EPHA6: variants seen among roughly 807,000 people sequenced by gnomAD.
The protein encoded by EPHA6 is EPH receptor A6, also known as ephrin type-A receptor 6.
A neutral mutation model predicts 112.0 loss-of-function variants in EPHA6; 50 were observed. That is an observed-to-expected ratio of 0.45 (90% CI 0.36 to 0.56). The LOEUF is 0.56. Among genes scored for constraint, EPHA6 ranks in the 20% least tolerant of loss-of-function variants. EPHA6 has a pLI of 0.00. For missense variants in EPHA6, 1,280 were observed against 1,417.4 expected (o/e 0.90, Z 1.56); for synonymous variants, 529 against 490.7 (o/e 1.08, Z -1.03).
At chr3:96,884,689 C>A (rs1469453099) in intron 2 of EPHA6, among the ~76,000 whole-genome samples, 3 of 152,104 alleles carry the variant, frequency 2.0e-5, no homozygotes, top group African/African-American at 7.2e-5. Flanking sequence ...TTCACTTCTT[C>A]TTTACCGATT....
At chr3:97,544,699 C>T (rs947978020) in intron 11 of EPHA6, among the ~76,000 whole-genome samples, 46 of 152,206 alleles carry the variant, frequency 3.0e-4, no homozygotes, top group Non-Finnish European at 4.4e-4. Context: ...TGGTAGAATT[C>T]GGCTGTGAAT....
rs549945836 is a variant in EPHA6 at position 97,696,823 on chromosome 3, G to C, written c.2785-23438G>C. Among the ~76,000 whole-genome samples, 411 of 152,236 alleles carry C rather than the reference G, an allele frequency of 2.7e-3. 2 individuals are homozygous for C. Among genetic ancestry groups the C allele is most frequent in the Non-Finnish European group, 5.0e-3 (337 of 68,016 alleles). ...ACAGATGAAGAAACTGAGGCATAAA[G>C]AAACTAATTTACCCACTGTGACAAG... On this transcript the variant is annotated intron_variant, in intron 14 of 17. Coordinates refer to ENST00000389672, the MANE Select transcript of EPHA6 (RefSeq NM_001080448.3).
At chr3:96,912,247 G>A (rs771260367) in intron 2 of EPHA6, among the ~76,000 whole-genome samples, 3 of 152,060 alleles carry the variant, frequency 2.0e-5, no homozygotes, top group Non-Finnish European at 2.9e-5. Context: ...AAATGTGGTC[G>A]AATTTCAGTA....
In EPHA6 at chr3:96,968,718, A is replaced by G. The variant is rs1034677314; in HGVS notation, c.451-18612A>G. On this transcript the variant is annotated intron_variant, in intron 2 of 17. Coordinates refer to ENST00000389672, the MANE Select transcript of EPHA6 (RefSeq NM_001080448.3). ...ATGCTAACAGCAATTTTAGTTTACT[A>G]TTCTGTGCAATATAATGTGCAATAT... 3.9e-5 allele frequency among the ~76,000 whole-genome samples: 6 copies of G among 151,966 alleles called. No individual in the cohort carries two copies. In the East Asian group the frequency reaches 9.6e-4, roughly 24 times the overall value.
At position 97,226,561 on chromosome 3, in the gene EPHA6, C is replaced by A. The variant is rs953950083; in HGVS notation, c.1270+142C>A. Reference sequence around the variant, plus strand: ...GTGATAACAGTCAAGGAAAAAGCTTCTCTCTCTTCTCAGCATAGTTGCTTT... The same window carrying A: ...GTGATAACAGTCAAGGAAAAAGCTTATCTCTCTTCTCAGCATAGTTGCTTT... On this transcript the variant is annotated intron_variant, in intron 4 of 17. Coordinates refer to ENST00000389672, the MANE Select transcript of EPHA6 (RefSeq NM_001080448.3). The A allele has an allele frequency of 3.1e-5, 23 of 751,044 alleles. No individual in the cohort carries two copies. In the East Asian group the frequency reaches 5.5e-4, roughly 18 times the overall value. 46.5% of individuals were successfully genotyped at this position (751,044 alleles called of 1,614,324 possible).
intron 14 of EPHA6, among the ~76,000 whole-genome samples, chr3:97,643,590 G>A (rs960800584): frequency 6.7e-6 from 1 of 149,342 alleles, no homozygotes; most frequent in Non-Finnish European, 1.5e-5. Context: ...TAAAAGGATG[G>A]AGGAAGATCT....
intron 12 of EPHA6, among the ~76,000 whole-genome samples, chr3:97,608,382 A>G (rs1305493010): frequency 6.6e-6 from 1 of 151,372 alleles, no homozygotes. Flanking sequence ...CTTAGGAACT[A>G]TGAAATCAAG....
intron 3 of EPHA6, among the ~76,000 whole-genome samples, chr3:97,160,333 G>A (rs2076384106): frequency 6.6e-6 from 1 of 152,072 alleles, no homozygotes; most frequent in South Asian, 2.1e-4. Flanking sequence ...GTGCAGTGCA[G>A]CAGAGTGATC....
At chr3:97,555,794 T>C (rs1560133521) in intron 11 of EPHA6, among the ~76,000 whole-genome samples, 1 of 152,130 alleles carries the variant, frequency 6.6e-6, no homozygotes, top group Non-Finnish European at 1.5e-5. Context: ...TTCTTGTAAA[T>C]TTGTTTGGGT....
At chr3:97,584,097 T>C (rs2093466611) in intron 11 of EPHA6, among the ~76,000 whole-genome samples, 1 of 152,214 alleles carries the variant, frequency 6.6e-6, no homozygotes, top group African/African-American at 2.4e-5. Context: ...ATTTATACTA[T>C]TTGAGTGTAC....
chr3:96,897,211 A>AACACACACACAC (rs57409609), intron 2 of EPHA6, among the ~76,000 whole-genome samples: 3 of 143,422 alleles, frequency 2.1e-5, no homozygotes, highest in African/African-American at 7.4e-5. Flanking sequence ...TGTATATACA[A>AACACACACACAC]ACACACACAC....
chr3:97,639,546 A>G (rs2107563689), intron 14 of EPHA6, among the ~76,000 whole-genome samples: 1 of 152,268 alleles, frequency 6.6e-6, no homozygotes, highest in East Asian at 1.9e-4. Flanking sequence ...ATAAAATATG[A>G]TGGGAAATTA....
chr3:96,816,532 T>C (rs987846543), intron 1 of EPHA6, among the ~76,000 whole-genome samples: 55 of 152,262 alleles, frequency 3.6e-4, no homozygotes, highest in African/African-American at 1.3e-3. Flanking sequence ...CAAAACAATT[T>C]TTAATAATTG....
At chr3:96,830,116 A>G (rs2033962978) in intron 1 of EPHA6, among the ~76,000 whole-genome samples, 1 of 152,112 alleles carries the variant, frequency 6.6e-6, no homozygotes, top group African/African-American at 2.4e-5. Context: ...GTATGTGTAC[A>G]TTTTTATTTT....
intron 7 of EPHA6, among the ~76,000 whole-genome samples, chr3:97,468,028 A>G (rs2091111772): frequency 6.6e-6 from 1 of 151,716 alleles, no homozygotes; most frequent in Non-Finnish European, 1.5e-5. Flanking sequence ...GGAAGAGTGA[A>G]TCTCAAAATC....
At chr3:97,514,712 G>C in intron 10 of EPHA6, among the ~76,000 whole-genome samples, 1 of 152,140 alleles carries the variant, frequency 6.6e-6, no homozygotes, top group South Asian at 2.1e-4. Flanking sequence ...TAAGGGTATG[G>C]TCCTAATCTG....
chr3:97,535,082 A>G (rs528789501), intron 11 of EPHA6, among the ~76,000 whole-genome samples: 3 of 152,038 alleles, frequency 2.0e-5, no homozygotes, highest in East Asian at 3.9e-4. Flanking sequence ...AGGAAAAAAG[A>G]TGTATATCCC....
intron 14 of EPHA6, chr3:97,646,455 C>T (rs2094064449): frequency 1.5e-6 from 1 of 664,398 alleles, no homozygotes; most frequent in Non-Finnish European, 2.3e-6. Flanking sequence ...TCTTCTTCAA[C>T]TTGAGTGTTT....
chr3:97,511,041 C>G (rs956361883), intron 10 of EPHA6, among the ~76,000 whole-genome samples: 2 of 152,174 alleles, frequency 1.3e-5, no homozygotes, highest in African/African-American at 4.8e-5. Context: ...CCCTCCCCCC[C>G]ACCAAGCTGG....
Sources: gnomAD v4.1 joint callset for allele counts (sites outside exome capture counted in the v4.1 genomes callset) on GRCh38, gnomAD v4.1.1 for gene constraint, MANE v1.5 for transcripts, NCBI Gene and HGNC (gene_info 2026-07-23, HGNC 2026-07-21) for gene names.